The following EXOC6 variants were observed in gnomAD, a reference collection of about 807,000 sequenced individuals.
EXOC6 encodes SEC15-like 1.
EXOC6 carries 60 observed loss-of-function variants against 112.5 expected under a neutral mutation model. The ratio of observed to expected loss-of-function variants is 0.53; its 90% CI spans 0.43 to 0.66. The LOEUF is 0.66. Ranked by LOEUF, EXOC6 falls within the 30% of genes least tolerant of loss-of-function variation. The pLI is 0.00. For missense variants in EXOC6, 855 were observed against 957.1 expected (o/e 0.89, Z 1.41); for synonymous variants, 295 against 308.0 (o/e 0.96, Z 0.44).
At chr10:92,843,844 C>T (rs968329929), upstream of EXOC6, among the ~76,000 whole-genome samples, 27 of 151,898 alleles carry the variant, frequency 1.8e-4, no homozygotes, top group East Asian at 3.9e-4. Flanking sequence ...AAAAATTAGC[C>T]GGGCGTGGTG....
At chr10:92,981,091 C>G (rs1313297405) in intron 18 of EXOC6, among the ~76,000 whole-genome samples, 1 of 152,130 alleles carries the variant, frequency 6.6e-6, no homozygotes, top group Non-Finnish European at 1.5e-5. Context: ...TTCTCTTTTT[C>G]TATGCATTTA....
chr10:93,013,199 G>C (rs1271007828), intron 19 of EXOC6, among the ~76,000 whole-genome samples: 1 of 152,068 alleles, frequency 6.6e-6, no homozygotes, highest in Non-Finnish European at 1.5e-5. Context: ...AATTAAGTAA[G>C]CTATGTTAGT....
intron 1 of EXOC6, among the ~76,000 whole-genome samples, chr10:92,837,323 AG>A (rs1214607998): frequency 6.6e-6 from 1 of 152,222 alleles, no homozygotes; most frequent in African/African-American, 2.4e-5. Flanking sequence ...GAGGCAGTCC[AG>A]CAAGAATGTC....
chr10:92,955,711 C>T lies in EXOC6; in HGVS notation c.1770C>T (p.Phe590=). ...HTTRLYGLST[F]KDARHAAEGE... ...CAAGACTTTATGGACTTTCTACTTT[C>T]AAGGTATGTAAAAATTTGACCAAAA... The change falls in exon 17 of 22, where the codon TTC becomes TTT. Residue 590 remains phenylalanine (F), a synonymous_variant. Transcript: ENST00000260762. 6.2e-7 allele frequency: 1 copy of T among 1,603,298 alleles called. No homozygotes were observed. The highest frequency in any genetic ancestry group is 8.5e-7 in the Non-Finnish European group (1 of 1,176,762).
chr10:92,870,713 CT>C (rs35387359), intron 1 of EXOC6, among the ~76,000 whole-genome samples: 5,627 of 143,062 alleles, frequency 0.039, 184 homozygotes, highest in African/African-American at 0.095. Flanking sequence ...TAGGTGTTAT[CT>C]TTTTTTTTTT....
intron 13 of EXOC6, among the ~76,000 whole-genome samples, 198 bp downstream of exon 13, chr10:92,941,022 A>G (rs1852640051): frequency 3.9e-5 from 6 of 152,088 alleles, no homozygotes; most frequent in Admixed American, 6.6e-5. Flanking sequence ...ACCACCATCC[A>G]TTTCCAGAAC....
At chr10:92,837,105 C>CACAG (rs1846683897) in intron 1 of EXOC6, among the ~76,000 whole-genome samples, 1 of 149,898 alleles carries the variant, frequency 6.7e-6, no homozygotes, top group African/African-American at 2.5e-5. Context: ...ATAACACACA[C>CACAG]ACACACACAC....
intron 1 of EXOC6, among the ~76,000 whole-genome samples, chr10:92,882,499 G>A (rs576225805): frequency 1.4e-4 from 21 of 145,886 alleles, no homozygotes; most frequent in Admixed American, 9.1e-4. Flanking sequence ...AGCCAAGATC[G>A]TGCCACTACA....
chr10:92,928,416 G>A lies in EXOC6; in HGVS notation c.966G>A (p.Ser322=), dbSNP rs534862457. ...CAAGACTGGTATTGCAACCCCAGTC[G>A]AATATGGTAAGTATGCGATATTTTG... ...KQARLVLQPQ[S]NMHETVDGYR... The change falls in exon 9 of 22, where the codon TCG becomes TCA. Residue 322 remains serine, a synonymous_variant. Coordinates refer to ENST00000260762, the MANE Select transcript of EXOC6 (RefSeq NM_019053.6). 2.6e-5 allele frequency: 41 copies of A among 1,595,752 alleles called. No homozygotes were observed. The highest frequency in any genetic ancestry group is 1.7e-4 in the African/African-American group (13 of 74,564).
At chr10:92,952,491 G>A in intron 15 of EXOC6, 109 bp downstream of exon 15, 1 of 732,408 alleles carries the variant, frequency 1.4e-6, no homozygotes, top group Non-Finnish European at 2.4e-6. Context: ...TAGATTCATG[G>A]GGTACATGTT....
chr10:92,955,382 G>GTA (rs1231088966), intron 16 of EXOC6, among the ~76,000 whole-genome samples, 198 bp from the exon 17 acceptor site: 128 of 149,360 alleles, frequency 8.6e-4, no homozygotes, highest in Non-Finnish European at 1.4e-3. Flanking sequence ...GTGTGTGTGT[G>GTA]TGTGTGTATA....
chr10:92,976,251 A>G (rs1354226395), intron 18 of EXOC6, among the ~76,000 whole-genome samples: 3 of 152,182 alleles, frequency 2.0e-5, no homozygotes, highest in African/African-American at 7.2e-5. Flanking sequence ...GGTGGGGAAA[A>G]GATTGAGAAA....
At chr10:93,032,605 T>G (rs1375538268) in intron 20 of EXOC6, among the ~76,000 whole-genome samples, 1 of 152,238 alleles carries the variant, frequency 6.6e-6, no homozygotes, top group Admixed American at 6.5e-5. Context: ...TTCAGATGTT[T>G]CTTCATTTAC....
chr10:93,046,944 C>T (rs1846027000), intron 20 of EXOC6, among the ~76,000 whole-genome samples: 2 of 152,060 alleles, frequency 1.3e-5, no homozygotes, highest in South Asian at 2.1e-4. Context: ...ATTTAGGAGC[C>T]TGGATTACTT....
Position 92,885,474 on chromosome 10 carries a change from G to A in EXOC6, c.102-7875G>A, listed in dbSNP as rs138927136. ...GGCTCACTGCAACCTCTGCTTTCCG[G>A]GTTCAAGTGATTCTCCTGCCTCAGC... On this transcript the variant is annotated intron_variant, in intron 1 of 21. Transcript: ENST00000260762. Among the ~76,000 whole-genome samples, 860 of 151,910 alleles carry A rather than the reference G, an allele frequency of 5.7e-3. 7 individuals carry two copies. The highest frequency in any genetic ancestry group is 0.017 in the African/African-American group (711 of 41,406).
chr10:93,031,135 T>C (rs966220935), intron 20 of EXOC6, among the ~76,000 whole-genome samples: 1 of 152,184 alleles, frequency 6.6e-6, no homozygotes, highest in African/African-American at 2.4e-5. Context: ...CTTTGTTCAG[T>C]TGATCTCTTT....
chr10:92,874,234 C>G (rs1848588000), intron 1 of EXOC6, among the ~76,000 whole-genome samples: 1 of 152,006 alleles, frequency 6.6e-6, no homozygotes, highest in African/African-American at 2.4e-5. Context: ...TTTTACTTAG[C>G]AGTACAATAT....
chr10:93,050,755 G>A (rs535804638), intron 20 of EXOC6, among the ~76,000 whole-genome samples: 117 of 1,232 alleles, frequency 0.095, no homozygotes, highest in African/African-American at 0.27. Context: ...GCGAGACTCC[G>A]TCTCAAAAAA....
At chr10:92,901,190 C>T (rs1342343776) in intron 5 of EXOC6, 1 of 152,092 alleles carries the variant, frequency 6.6e-6, no homozygotes, top group Non-Finnish European at 1.5e-5. Context: ...GGGAAGTCTA[C>T]CAGATGTCTT....
Sources: allele counts gnomAD v4.1 joint callset (sites outside exome capture counted in the v4.1 genomes callset), GRCh38; gene constraint gnomAD v4.1.1; transcripts MANE v1.5; gene names NCBI Gene and HGNC (gene_info 2026-07-23, HGNC 2026-07-21).